OSBPL11: variants seen among roughly 807,000 people sequenced by gnomAD.
OSBPL11 encodes oxysterol-binding protein-related protein 11.
Under a neutral mutation model 84.4 loss-of-function variants are expected in OSBPL11, and 33 were observed. That is an observed-to-expected ratio of 0.39 (90% CI 0.30 to 0.52). OSBPL11 has a LOEUF of 0.52. Ranked by LOEUF, OSBPL11 falls within the 20% of genes least tolerant of loss-of-function variation. OSBPL11 has a pLI of 0.72. For synonymous variants in OSBPL11, 276 were observed against 310.2 expected (o/e 0.89, Z 1.16); for missense variants, 736 against 901.1 (o/e 0.82, Z 2.35).
At chr3:125,570,075 A>T (rs1357545005) in intron 5 of OSBPL11, among the ~76,000 whole-genome samples, 1 of 152,232 alleles carries the variant, frequency 6.6e-6, no homozygotes, top group African/African-American at 2.4e-5. Context: ...ATCTTAAGAC[A>T]TTCACAGCAT....
At chr3:125,577,146 G>A (rs1050224516) in intron 4 of OSBPL11, among the ~76,000 whole-genome samples, 1 of 152,026 alleles carries the variant, frequency 6.6e-6, no homozygotes, top group Admixed American at 6.6e-5. Flanking sequence ...TGAAGACTAG[G>A]TTTTAGGCCG....
Position 125,594,791 on chromosome 3 carries a change from C to G in OSBPL11, c.10G>C (p.Gly4Arg). 1 of 1,613,534 alleles carries G rather than the reference C, an allele frequency of 6.2e-7. No homozygotes were observed. The highest frequency in any genetic ancestry group is 8.5e-7 in the Non-Finnish European group (1 of 1,179,594). MQG[G>R]EPVSTMKVSE... ...ACTTTCATTGTGGACACTGGTTCAC[C>G]CCCCTGCATCTTAACGCCAAAGTCC... Residue 4 changes from glycine (G) to arginine (R), a missense_variant, in exon 1 of 13, where the codon GGT (glycine) becomes CGT (arginine). Gly to Arg is a moderately radical substitution (Grantham distance 125). Coordinates refer to ENST00000296220, the MANE Select transcript of OSBPL11 (RefSeq NM_022776.5).
rs149024897 is a variant in OSBPL11, at chr3:125,552,885, A to G, written c.1156-206T>C. ...ATAATCACAGCACTTTGGGAGGCCA[A>G]GTTGGGAGGATTGTTTCAGCACAGG... On this transcript the variant is annotated intron_variant, in intron 8 of 12. Transcript: ENST00000296220. Among the ~76,000 whole-genome samples, 8 of 152,318 alleles carry G rather than the reference A, an allele frequency of 5.3e-5. No homozygotes were observed. The East Asian group carries it at 1.5e-3, about 29-fold the overall frequency.
intron 11 of OSBPL11, among the ~76,000 whole-genome samples, chr3:125,538,136 CCTGA>C (rs1935669710): frequency 6.6e-6 from 1 of 152,018 alleles, no homozygotes; most frequent in African/African-American, 2.4e-5. Flanking sequence ...TATTGGGGTG[CCTGA>C]CTTTTTGTTA....
At chr3:125,577,853 G>C (rs1257255627) in intron 4 of OSBPL11, among the ~76,000 whole-genome samples, 1 of 151,568 alleles carries the variant, frequency 6.6e-6, no homozygotes, top group Non-Finnish European at 1.5e-5. Flanking sequence ...ATTAAAAAAA[G>C]AAATTAGAAC....
intron 11 of OSBPL11, among the ~76,000 whole-genome samples, chr3:125,535,854 C>T (rs1172929115): frequency 4.6e-5 from 7 of 151,428 alleles, no homozygotes; most frequent in African/African-American, 7.3e-5. Context: ...AAATCTGGGC[C>T]GGGCATGGTG....
rs1174892872 is a variant in OSBPL11, at chr3:125,567,290, CCTT to C, written c.868+101_868+103del. ...AACCAACAGGCTCTGGTTTTCTTCT[CCTT>C]TTTTTAAGTTAAGATTTTCTGAAAT... On this transcript the variant is annotated intron_variant, in intron 6 of 12. Coordinates refer to ENST00000296220, the MANE Select transcript of OSBPL11 (RefSeq NM_022776.5). 4 of 1,031,138 alleles carry C rather than the reference CCTT, an allele frequency of 3.9e-6. No individual in the cohort carries two copies. In the East Asian group the frequency reaches 7.3e-5, roughly 19 times the overall value. 63.9% of individuals were successfully genotyped at this position (1,031,138 alleles called of 1,614,324 possible). A position where few individuals can be genotyped will look rare whatever the true frequency, so the allele number is the denominator to read the frequency against.
chr3:125,561,449 A>T (rs1162243509), intron 7 of OSBPL11, among the ~76,000 whole-genome samples: 1 of 152,216 alleles, frequency 6.6e-6, no homozygotes, highest in Non-Finnish European at 1.5e-5. Flanking sequence ...CTAACCACTG[A>T]GAGTCAAAAA....
At chr3:125,567,942 C>G (rs1203090140) in intron 5 of OSBPL11, among the ~76,000 whole-genome samples, 1 of 149,156 alleles carries the variant, frequency 6.7e-6, no homozygotes, top group East Asian at 2.0e-4. Flanking sequence ...TGCAGTGAGC[C>G]ATGATCACAC....
chr3:125,562,490 C>T (rs1382494710), intron 7 of OSBPL11, among the ~76,000 whole-genome samples: 1 of 152,180 alleles, frequency 6.6e-6, no homozygotes, highest in Non-Finnish European at 1.5e-5. Context: ...CAAGCCAAAA[C>T]TTTTGCCAAC....
At position 125,551,711 on chromosome 3, in the gene OSBPL11, G is replaced by A. The variant is rs185948557; in HGVS notation, c.1654+470C>T. ...GAGAATCGCTTGAACCTGGGAGGCG[G>A]AGTTTGCAGTGAGCGGAGATAGCAC... On this transcript the variant is annotated intron_variant, in intron 9 of 12. Transcript: ENST00000296220. Among the ~76,000 whole-genome samples the A allele has an allele frequency of 1.3e-3, 192 of 152,112 alleles. 1 individual carries two copies. Among genetic ancestry groups the A allele is most frequent in the Non-Finnish European group, 2.2e-3 (153 of 68,012 alleles).
At chr3:125,575,897 T>A (rs1479631868) in intron 5 of OSBPL11, among the ~76,000 whole-genome samples, 1 of 151,554 alleles carries the variant, frequency 6.6e-6, no homozygotes, top group East Asian at 1.9e-4. Context: ...CCACTAGGCT[T>A]AATTACCCTT....
intron 9 of OSBPL11, among the ~76,000 whole-genome samples, chr3:125,551,656 T>C (rs1935909582): frequency 6.6e-6 from 1 of 151,736 alleles, no homozygotes; most frequent in Non-Finnish European, 1.5e-5. Context: ...GCAGGCGCCA[T>C]AATCCCAGCT....
intron 7 of OSBPL11, among the ~76,000 whole-genome samples, chr3:125,561,740 G>C (rs1399104213): frequency 2.0e-5 from 3 of 152,190 alleles, no homozygotes; most frequent in Non-Finnish European, 2.9e-5. Flanking sequence ...AGTGCTCCTG[G>C]AAGCTTCATT....
At position 125,530,337 on chromosome 3, in the gene OSBPL11, T is replaced by C; in HGVS notation, c.*178A>G. On this transcript the variant is annotated 3_prime_UTR_variant, in exon 13 of 13. Coordinates refer to ENST00000296220, the MANE Select transcript of OSBPL11 (RefSeq NM_022776.5). ...ACAGGTTGGTAAAAGGTCCACTGTG[T>C]TTCTTTACCACTTTGGTCTTGCTGC... is the stretch of plus-strand genomic sequence containing the variant. The C allele has an allele frequency of 1.6e-6, 1 of 627,348 alleles. No individual in the cohort carries two copies. Among genetic ancestry groups the C allele is most frequent in the South Asian group, 1.9e-5 (1 of 51,392 alleles). The allele number at this position is 627,348 out of a possible 1,614,324, so 38.9% of individuals were successfully genotyped here.
intron 4 of OSBPL11, 83 bp downstream of exon 4, chr3:125,578,877 A>G (rs924085333): frequency 1.3e-5 from 10 of 775,690 alleles, no homozygotes; most frequent in Non-Finnish European, 2.0e-5. Context: ...GTATATGAAT[A>G]GTATCTCAAT....
At chr3:125,591,389 T>A (rs999407936) in intron 1 of OSBPL11, among the ~76,000 whole-genome samples, 13 of 152,222 alleles carry the variant, frequency 8.5e-5, no homozygotes, top group African/African-American at 3.1e-4. Context: ...CAAAAGACTG[T>A]TAACTTCTCT....
intron 6 of OSBPL11, among the ~76,000 whole-genome samples, chr3:125,564,148 T>C (rs1043982388): frequency 5.3e-5 from 8 of 152,212 alleles, no homozygotes; most frequent in African/African-American, 1.2e-4. Flanking sequence ...AACAGTTGAT[T>C]TGTTGTCTTT....
intron 10 of OSBPL11, among the ~76,000 whole-genome samples, chr3:125,543,026 G>A (rs937872555): frequency 6.6e-6 from 1 of 151,904 alleles, no homozygotes; most frequent in Non-Finnish European, 1.5e-5. Flanking sequence ...GAAAGGAAAT[G>A]GTTATTGAAT....
Sources: allele counts gnomAD v4.1 joint callset (sites outside exome capture counted in the v4.1 genomes callset), GRCh38; gene constraint gnomAD v4.1.1; transcripts MANE v1.5; gene names NCBI Gene and HGNC (gene_info 2026-07-23, HGNC 2026-07-21).